GABBR2: variants seen among roughly 807,000 people sequenced by gnomAD.
The protein encoded by GABBR2 is G-protein coupled receptor 51.
In GABBR2, 23 loss-of-function variants were observed where a neutral mutation model predicts 105.6. The observed-to-expected ratio is 0.22, with a 90% confidence interval of 0.16 to 0.31. The LOEUF is 0.31. GABBR2 is among the 10% of genes least tolerant of loss of function. GABBR2 has a pLI of 1.00. For missense variants in GABBR2, 734 were observed against 1,245.5 expected (o/e 0.59, Z 6.18); for synonymous variants, 478 against 499.7 (o/e 0.96, Z 0.58).
chr9:98,400,530 G>C (rs1475161778), intron 8 of GABBR2, among the ~76,000 whole-genome samples: 1 of 152,156 alleles, frequency 6.6e-6, no homozygotes, highest in Non-Finnish European at 1.5e-5. Flanking sequence ...TTGGAAACCT[G>C]TCCTAAGGAA....
At chr9:98,295,898 T>G (rs1241109108) in intron 17 of GABBR2, among the ~76,000 whole-genome samples, 2 of 152,218 alleles carry the variant, frequency 1.3e-5, no homozygotes, top group African/African-American at 2.4e-5. Flanking sequence ...AATGTCAGCT[T>G]GTGATGTCAG....
intron 1 of GABBR2, among the ~76,000 whole-genome samples, chr9:98,594,297 C>A (rs1285009815): frequency 6.6e-6 from 1 of 152,228 alleles, no homozygotes; most frequent in East Asian, 1.9e-4. Context: ...CACCCCGTGG[C>A]TGAGAGCCTG....
chr9:98,309,521 G>T (rs903448893), intron 14 of GABBR2, among the ~76,000 whole-genome samples: 2 of 152,214 alleles, frequency 1.3e-5, no homozygotes, highest in African/African-American at 4.8e-5. Flanking sequence ...TATGGACAGG[G>T]CTGCCTGTTA....
At chr9:98,590,545 A>G (rs1290198262) in intron 1 of GABBR2, among the ~76,000 whole-genome samples, 1 of 152,258 alleles carries the variant, frequency 6.6e-6, no homozygotes, top group East Asian at 1.9e-4. Context: ...ACATTTTTAA[A>G]AGTCAGGGTC....
chr9:98,371,031 T>TACCC, intron 12 of GABBR2, among the ~76,000 whole-genome samples: 1 of 152,188 alleles, frequency 6.6e-6, no homozygotes, highest in East Asian at 1.9e-4. Flanking sequence ...CCTCTTCCTG[T>TACCC]ACCCTGTCCC....
intron 2 of GABBR2, among the ~76,000 whole-genome samples, chr9:98,547,372 G>T (rs1828420950): frequency 4.5e-5 from 5 of 111,544 alleles, no homozygotes; most frequent in African/African-American, 8.5e-5. Flanking sequence ...TTATAATATT[G>T]TATATATTAT....
At chr9:98,373,451 C>T (rs544819176) in intron 11 of GABBR2, among the ~76,000 whole-genome samples, 2 of 152,168 alleles carry the variant, frequency 1.3e-5, no homozygotes, top group African/African-American at 4.8e-5. Flanking sequence ...GCCTGGAACT[C>T]GATGCTTTGA....
intron 3 of GABBR2, among the ~76,000 whole-genome samples, chr9:98,517,990 G>A (rs2131707624): frequency 6.6e-6 from 1 of 152,264 alleles, no homozygotes; most frequent in African/African-American, 2.4e-5. Context: ...AGGAGTTAGG[G>A]AGCCTATGGG....
chr9:98,480,968 C>T lies in GABBR2; in HGVS notation c.762G>A (p.Gln254=). ...CTTTTGCTGCCATATTCTGGTCAAA[C>T]TGGCCAAGGATGATCCGCACATCAT... The part of the protein sequence containing the change: ...KGNDVRIILG[Q]FDQNMAAKVF... Residue 254 remains glutamine, a synonymous_variant, in exon 5 of 19, where the codon CAG becomes CAA. Coordinates refer to ENST00000259455, the MANE Select transcript of GABBR2 (RefSeq NM_005458.8). 6.2e-7 allele frequency: 1 copy of T among 1,607,652 alleles called. No homozygotes were observed. Among genetic ancestry groups the T allele is most frequent in the Non-Finnish European group, 8.5e-7 (1 of 1,174,088 alleles).
At chr9:98,616,757 A>AG (rs1445972689) in intron 1 of GABBR2, among the ~76,000 whole-genome samples, 2 of 151,752 alleles carry the variant, frequency 1.3e-5, no homozygotes, top group Non-Finnish European at 2.9e-5. Flanking sequence ...GTCTCAAAAA[A>AG]AAAAAAAGAA....
intron 1 of GABBR2, among the ~76,000 whole-genome samples, chr9:98,707,971 T>G (rs929447245): frequency 2.0e-5 from 3 of 152,172 alleles, no homozygotes; most frequent in African/African-American, 7.2e-5. Flanking sequence ...CCTGGGGGCC[T>G]GTGAGCAGGC....
intron 7 of GABBR2, among the ~76,000 whole-genome samples, chr9:98,417,229 A>T (rs1384403619): frequency 6.6e-6 from 1 of 152,194 alleles, no homozygotes. Flanking sequence ...AGGATCTCTC[A>T]GGAAGAGCTA....
At position 98,496,669 on chromosome 9, in the gene GABBR2, C is replaced by A. The variant is rs543328423; in HGVS notation, c.631-155G>T. On this transcript the variant is annotated intron_variant, in intron 3 of 18. Coordinates refer to ENST00000259455, the MANE Select transcript of GABBR2 (RefSeq NM_005458.8). ...TTGTTTTACATTATTAACTAGACCG[C>A]CCCACAAAAACTTGAGGATCCCCCA... Among the ~76,000 whole-genome samples, 16 of 152,250 alleles carry A rather than the reference C, an allele frequency of 1.1e-4. No homozygotes were observed. In the South Asian group the frequency reaches 2.9e-3, roughly 28 times the overall value.
At chr9:98,604,876 T>C (rs1296277814) in intron 1 of GABBR2, among the ~76,000 whole-genome samples, 1 of 152,162 alleles carries the variant, frequency 6.6e-6, no homozygotes, top group Non-Finnish European at 1.5e-5. Context: ...GGGCTGGTAC[T>C]CCAATCTAGA....
chr9:98,528,475 T>A (rs528533062), intron 3 of GABBR2, among the ~76,000 whole-genome samples: 2 of 152,238 alleles, frequency 1.3e-5, no homozygotes, highest in South Asian at 4.1e-4. Flanking sequence ...TTTAACTGTA[T>A]AACACACTAA....
chr9:98,468,078 C>T (rs1325765104), intron 6 of GABBR2, among the ~76,000 whole-genome samples: 2 of 152,172 alleles, frequency 1.3e-5, no homozygotes, highest in African/African-American at 4.8e-5. Context: ...CAGGGGCTGT[C>T]TTCATGAGGT....
At chr9:98,652,316 T>C (rs1830119667) in intron 1 of GABBR2, among the ~76,000 whole-genome samples, 1 of 152,124 alleles carries the variant, frequency 6.6e-6, no homozygotes, top group Non-Finnish European at 1.5e-5. Context: ...AGGTCCAACT[T>C]GAACTCCCTT....
chr9:98,696,175 G>C (rs1338158248), intron 1 of GABBR2, among the ~76,000 whole-genome samples: 1 of 152,228 alleles, frequency 6.6e-6, no homozygotes, highest in East Asian at 1.9e-4. Context: ...GGAGGACAGA[G>C]AATGCACACT....
chr9:98,306,560 G>A lies in GABBR2; in HGVS notation c.2005-215C>T, dbSNP rs550959427. ...TGCTGAGCAAATGCAGACTGGGGAT[G>A]TGACAGCTGTCCAGTTCTCCTGCAC... On this transcript the variant is annotated intron_variant, in intron 14 of 18. Coordinates refer to ENST00000259455, the MANE Select transcript of GABBR2 (RefSeq NM_005458.8). This position sits in a 1 kb window ranked among gnomAD's most constrained non-coding sequence, Gnocchi z 5.4. 5.1e-6 allele frequency: 3 copies of A among 587,040 alleles called. No homozygotes were observed. Among genetic ancestry groups the A allele is most frequent in the Non-Finnish European group, 9.2e-6 (3 of 327,768 alleles). The allele number at this position is 587,040 out of a possible 1,614,324, so 36.4% of individuals were successfully genotyped here.
Sources: allele counts gnomAD v4.1 joint callset (sites outside exome capture counted in the v4.1 genomes callset), GRCh38; gene constraint gnomAD v4.1.1; non-coding constraint Gnocchi (gnomAD v3.1); transcripts MANE v1.5; gene names NCBI Gene and HGNC (gene_info 2026-07-23, HGNC 2026-07-21).